The following MOXD1 variants were observed in gnomAD, a reference collection of about 807,000 sequenced individuals.
MOXD1 encodes the protein DBH-like monooxygenase protein 1.
A neutral mutation model predicts 66.6 loss-of-function variants in MOXD1; 62 were observed. The observed-to-expected ratio is 0.93, with a 90% confidence interval of 0.76 to 1.15. The LOEUF is 1.15. MOXD1 is among the 50% of genes most tolerant of loss of function. The pLI is 0.00. For synonymous variants in MOXD1, 303 were observed against 281.9 expected, an observed-to-expected ratio of 1.07 and a Z score of -0.75; for missense variants, 847 against 754.6, an observed-to-expected ratio of 1.12 and a Z score of -1.44.
chr6:132,345,006 C>A (rs545182813), intron 4 of MOXD1, among the ~76,000 whole-genome samples: 1 of 152,270 alleles, frequency 6.6e-6, no homozygotes, highest in Admixed American at 6.5e-5. Flanking sequence ...ACCAGCTGCC[C>A]TATGTGACAG....
At chr6:132,383,579 G>A (rs755906442) in intron 1 of MOXD1, among the ~76,000 whole-genome samples, 3 of 152,094 alleles carry the variant, frequency 2.0e-5, no homozygotes, top group African/African-American at 7.3e-5. Flanking sequence ...CATGCCAACT[G>A]TCTCATTTCA....
intron 4 of MOXD1, among the ~76,000 whole-genome samples, chr6:132,331,866 G>A (rs1445815439): frequency 6.6e-6 from 1 of 152,130 alleles, no homozygotes; most frequent in Non-Finnish European, 1.5e-5. Context: ...GCTGCCGGTG[G>A]GAGGGAGGAT....
intron 4 of MOXD1, among the ~76,000 whole-genome samples, chr6:132,369,005 G>A (rs181837231): frequency 7.2e-5 from 11 of 151,898 alleles, no homozygotes; most frequent in Admixed American, 4.6e-4. Context: ...CGTGAATGTG[G>A]TCTCTCTCTC....
At chr6:132,300,227 A>G (rs770924855) in intron 10 of MOXD1, among the ~76,000 whole-genome samples, 4 of 152,118 alleles carry the variant, frequency 2.6e-5, no homozygotes, top group Non-Finnish European at 5.9e-5. Context: ...ATACCTAGCA[A>G]TGGCCTAAAA....
rs770783624 is a variant in MOXD1, at chr6:132,297,321, A to G, written c.1678-4T>C. 1.2e-6 allele frequency: 2 copies of G among 1,611,906 alleles called. No individual in the cohort carries two copies. The highest frequency in any genetic ancestry group is 8.5e-7 in the Non-Finnish European group (1 of 1,178,812). On this transcript the variant is annotated splice_polypyrimidine_tract_variant and splice_region_variant and intron_variant, in intron 11 of 11. Coordinates refer to ENST00000367963, the MANE Select transcript of MOXD1 (RefSeq NM_015529.4). ...GTAATGCTGTCATTCCTTGAATCTG[A>G]AAATGGAAGCACAAACAATGCAAAT...
intron 1 of MOXD1, chr6:132,392,254 G>C (rs542943320): frequency 6.2e-7 from 1 of 1,604,322 alleles, no homozygotes; most frequent in Non-Finnish European, 8.5e-7. Flanking sequence ...TGCTGCTGAA[G>C]ACACTTCGCA....
chr6:132,334,065 G>A (rs893356558), intron 4 of MOXD1, among the ~76,000 whole-genome samples: 6 of 152,134 alleles, frequency 3.9e-5, no homozygotes, highest in South Asian at 2.1e-4. Context: ...GACAACGACC[G>A]TTTTTCCTAA....
At chr6:132,334,873 G>T (rs931685144) in intron 4 of MOXD1, among the ~76,000 whole-genome samples, 1 of 151,228 alleles carries the variant, frequency 6.6e-6, no homozygotes, top group Non-Finnish European at 1.5e-5. Flanking sequence ...ACGATTCAAA[G>T]AATCTACACT....
At chr6:132,364,357 A>C (rs1057445752) in intron 4 of MOXD1, among the ~76,000 whole-genome samples, 13 of 152,182 alleles carry the variant, frequency 8.5e-5, no homozygotes, top group Admixed American at 2.0e-4. Flanking sequence ...ACACTAGATG[A>C]AGTTTTAGTC....
At chr6:132,383,758 T>G (rs1052724530) in intron 1 of MOXD1, among the ~76,000 whole-genome samples, 2 of 152,216 alleles carry the variant, frequency 1.3e-5, no homozygotes, top group African/African-American at 4.8e-5. Flanking sequence ...TCCTATCCCA[T>G]CACCTTAATT....
chr6:132,296,977 A>G lies in MOXD1; in HGVS notation c.*176T>C. The stretch of plus-strand genomic sequence containing the variant: ...ATAACATCAGATATTTCTAAGAAAG[A>G]GAAGAGAACCTGATTGATGTCTCTC... On this transcript the variant is annotated 3_prime_UTR_variant, in exon 12 of 12. Coordinates refer to ENST00000367963, the MANE Select transcript of MOXD1 (RefSeq NM_015529.4). The G allele has an allele frequency of 1.8e-6, 1 of 542,054 alleles. No homozygotes were observed. Among genetic ancestry groups the G allele is most frequent in the African/African-American group, 1.9e-5 (1 of 53,640 alleles). 33.6% of individuals were successfully genotyped at this position (542,054 alleles called of 1,614,324 possible).
intron 10 of MOXD1, among the ~76,000 whole-genome samples, chr6:132,303,259 C>G (rs993455518): frequency 3.9e-5 from 6 of 152,062 alleles, no homozygotes; most frequent in African/African-American, 1.4e-4. Flanking sequence ...AACAGGCATC[C>G]AACAGAGAAC....
At chr6:132,398,937 A>AC (rs1776959500) in intron 1 of MOXD1, among the ~76,000 whole-genome samples, 1 of 43,800 alleles carries the variant, frequency 2.3e-5, no homozygotes, top group Admixed American at 2.0e-4. Flanking sequence ...GACTTTGTCA[A>AC]AAAAAAAAAA....
rs891851170 is a variant in MOXD1, at chr6:132,392,156, C to T, written c.264+9007G>A. 1.2e-4 allele frequency: 177 copies of T among 1,526,486 alleles called. 1 individual carries two copies. The highest frequency in any genetic ancestry group is 1.4e-4 in the Non-Finnish European group (161 of 1,136,890). The allele number at this position is 1,526,486 out of a possible 1,614,324, so 94.6% of individuals were successfully genotyped here. On this transcript the variant is annotated intron_variant, in intron 1 of 11. Transcript: ENST00000367963. ...TGGGGTGTGCTTAAAAGAAGCACAT[C>T]GTTAACCACAAAGAATGCTCACTGT...
rs1460519390 is a variant in MOXD1 at position 132,298,026 on chromosome 6, C to A, written c.1509-71G>T. On this transcript the variant is annotated intron_variant, in intron 10 of 11. Transcript: ENST00000367963. ...ACATGTTTCCTTTACTTTTCAGCAT[C>A]CTAAAATAGATCTCACACTTATTCA... The A allele has an allele frequency of 7.4e-5, 99 of 1,333,402 alleles. 1 individual carries two copies. Among genetic ancestry groups the A allele is most frequent in the Non-Finnish European group, 7.1e-6 (7 of 989,040 alleles). The allele number at this position is 1,333,402 out of a possible 1,614,324, so 82.6% of individuals were successfully genotyped here. A position where few individuals can be genotyped will look rare whatever the true frequency, so the allele number is the denominator to read the frequency against.
At position 132,349,467 on chromosome 6, in the gene MOXD1, A is replaced by G. The variant is rs1247902886; in HGVS notation, c.664-20873T>C. Among the ~76,000 whole-genome samples, 18 of 26,396 alleles carry G rather than the reference A, an allele frequency of 6.8e-4. 1 individual carries two copies. The highest frequency in any genetic ancestry group is 2.2e-3 in the Admixed American group (4 of 1,850). The allele number at this position is 26,396 out of a possible 152,430, so 17.3% of individuals were successfully genotyped here. On this transcript the variant is annotated intron_variant, in intron 4 of 11. Coordinates refer to ENST00000367963, the MANE Select transcript of MOXD1 (RefSeq NM_015529.4). ...TATATATATACATATATATATATAC[A>G]TATATATATATATACATATATATAT...
At chr6:132,392,155 T>C in intron 1 of MOXD1, 1 of 1,526,264 alleles carries the variant, frequency 6.6e-7, no homozygotes, top group Non-Finnish European at 8.8e-7. Flanking sequence ...AAGAAGCACA[T>C]CGTTAACCAC....
At chr6:132,346,130 A>G (rs1430335665) in intron 4 of MOXD1, among the ~76,000 whole-genome samples, 1 of 152,114 alleles carries the variant, frequency 6.6e-6, no homozygotes. Flanking sequence ...GAACTTAATT[A>G]CTAACACATG....
intron 4 of MOXD1, among the ~76,000 whole-genome samples, chr6:132,366,287 A>G (rs1285126277): frequency 6.6e-6 from 1 of 152,150 alleles, no homozygotes; most frequent in Non-Finnish European, 1.5e-5. Context: ...TAGAAGGGAA[A>G]CATCAATAAG....
Sources: allele counts gnomAD v4.1 joint callset (sites outside exome capture counted in the v4.1 genomes callset), GRCh38; gene constraint gnomAD v4.1.1; transcripts MANE v1.5; gene names NCBI Gene and HGNC (gene_info 2026-07-23, HGNC 2026-07-21).